The following MORN1 variants were observed in gnomAD, a reference collection of about 807,000 sequenced individuals.
MORN1 encodes MORN repeat containing 1.
A neutral mutation model predicts 61.9 loss-of-function variants in MORN1; 67 were observed. That is an observed-to-expected ratio of 1.08 (90% CI 0.89 to 1.33). MORN1 has a LOEUF of 1.33. Among genes scored for constraint, MORN1 ranks in the 40% most tolerant of loss-of-function variants. The pLI is 0.00. For synonymous variants in MORN1, 301 were observed against 292.0 expected, an observed-to-expected ratio of 1.03 and a Z score of -0.31; for missense variants, 752 against 691.2, an observed-to-expected ratio of 1.09 and a Z score of -0.99.
In MORN1 at chr1:2,356,473, A is replaced by G. The variant is rs145039176; in HGVS notation, c.1036+959T>C. Among the ~76,000 whole-genome samples, 82 of 152,240 alleles carry G rather than the reference A, an allele frequency of 5.4e-4. 1 individual carries two copies. Among genetic ancestry groups the G allele is most frequent in the South Asian group, 1.2e-3 (6 of 4,824 alleles). ...GAACCTGCGGCCTGTGTCCTCCCCA[A>G]GCAGCACCTCAGGCTCAGATCCCAG... On this transcript the variant is annotated intron_variant, in intron 10 of 13. Coordinates refer to ENST00000378531, the MANE Select transcript of MORN1 (RefSeq NM_024848.3).
At chr1:2,327,727 C>G (rs576627416) in intron 12 of MORN1, among the ~76,000 whole-genome samples, 29 of 152,354 alleles carry the variant, frequency 1.9e-4, no homozygotes, top group Admixed American at 9.8e-4. Context: ...GCGCGGCGGG[C>G]AGGCGGCACC....
In MORN1 at chr1:2,372,633, GT is replaced by G. The variant is rs1642147005; in HGVS notation, c.635-43del. On this transcript the variant is annotated intron_variant, in intron 7 of 13. Transcript: ENST00000378531. This position sits in a 1 kb window ranked among gnomAD's most constrained non-coding sequence, Gnocchi z 5.4. ...TGTGGCTTTAGCGGTGACTGGCATGGTCCCCCACCCACCCCATGGCTGAGTC... is the reference window on the plus strand; with the variant it reads ...TGTGGCTTTAGCGGTGACTGGCATGGCCCCCACCCACCCCATGGCTGAGTC... 1.3e-6 allele frequency: 2 copies of G among 1,510,150 alleles called. No homozygotes were observed. The highest frequency in any genetic ancestry group is 1.8e-6 in the Non-Finnish European group (2 of 1,097,398). The allele number at this position is 1,510,150 out of a possible 1,614,324, so 93.5% of individuals were successfully genotyped here.
At position 2,337,130 on chromosome 1, in the gene MORN1, C is replaced by T. The variant is rs1641297741; in HGVS notation, c.1037-280G>A. On this transcript the variant is annotated intron_variant, in intron 10 of 13. Coordinates refer to ENST00000378531, the MANE Select transcript of MORN1 (RefSeq NM_024848.3). This position sits in a 1 kb window ranked among gnomAD's most constrained non-coding sequence, Gnocchi z 5.7. ...CAGCGCCAGGGAGCCCAGCGCTTTG[C>T]AGTGGGAAGGGTCTCCCATCAGCAG... is the stretch of plus-strand genomic sequence containing the variant. Among the ~76,000 whole-genome samples, 3 of 152,288 alleles carry T rather than the reference C, an allele frequency of 2.0e-5. No homozygotes were observed. The highest frequency in any genetic ancestry group is 1.9e-4 in the East Asian group (1 of 5,182).
rs1457731764 is a variant in MORN1, at chr1:2,388,330, CCCGTGACCTGG to C, written c.149-4_155del. On this transcript the variant is annotated splice_acceptor_variant and splice_polypyrimidine_tract_variant and coding_sequence_variant and intron_variant, in exon 3 of 14. Transcript: ENST00000378531. LOFTEE classifies it high-confidence loss of function. ...AACTGCCATCTTTAAATAACAACTT[CCCGTGACCTGG>C]CAGGAGAAATCGTCACGTGAACTCA... 1.9e-6 allele frequency: 3 copies of C among 1,613,720 alleles called. No individual in the cohort carries two copies. In the African/African-American group the frequency reaches 4.0e-5, roughly 22 times the overall value.
intron 10 of MORN1, among the ~76,000 whole-genome samples, chr1:2,340,721 C>T (rs75312915): frequency 0.023 from 3,512 of 152,236 alleles, 60 homozygotes; most frequent in Non-Finnish European, 0.034. Context: ...CAGGCCACGA[C>T]GGGCCACCAC....
chr1:2,325,939 G>A (rs1475961989), intron 12 of MORN1, among the ~76,000 whole-genome samples: 2 of 152,292 alleles, frequency 1.3e-5, no homozygotes, highest in African/African-American at 4.8e-5. Context: ...TGTTCTTTCT[G>A]TGTGAAGCCC....
intron 10 of MORN1, among the ~76,000 whole-genome samples, chr1:2,346,251 G>A (rs1304256702): frequency 6.6e-6 from 1 of 152,230 alleles, no homozygotes; most frequent in Non-Finnish European, 1.5e-5. Flanking sequence ...CAGACGCCAG[G>A]GTGCCCGCAG....
chr1:2,324,128 G>A lies in MORN1; in HGVS notation c.1266C>T (p.Ala422=), dbSNP rs767208932. 1 of 1,600,758 alleles carries A rather than the reference G, an allele frequency of 6.2e-7. No individual in the cohort carries two copies. ...PPGGSRPEGR[A]TEEQAAAAHL... ...GTGCTGCCGCAGCCTGCTCCTCCGT[G>A]GCTCTCCCCTCAGGCCTGTGGAGAC... The change falls in exon 13 of 14, where the codon GCC becomes GCT. Residue 422 remains alanine (A), a synonymous_variant. Transcript: ENST00000378531.
chr1:2,341,850 C>T (rs1641402532), intron 10 of MORN1, among the ~76,000 whole-genome samples: 1 of 152,234 alleles, frequency 6.6e-6, no homozygotes, highest in Non-Finnish European at 1.5e-5. Flanking sequence ...TGAGTGGTGC[C>T]CGCCAGCCCG....
chr1:2,329,172 G>A (rs541616233), intron 12 of MORN1, among the ~76,000 whole-genome samples: 3 of 152,184 alleles, frequency 2.0e-5, no homozygotes, highest in East Asian at 3.9e-4. Flanking sequence ...AAGAGTTAAC[G>A]GCCGCCCTGC....
intron 13 of MORN1, chr1:2,323,676 G>GC: frequency 1.0e-6 from 1 of 985,242 alleles, no homozygotes; most frequent in Non-Finnish European, 1.2e-6. Context: ...GCTGGGAGGA[G>GC]CCTTCCGCCC....
At chr1:2,356,825 G>T (rs1259587195) in intron 10 of MORN1, among the ~76,000 whole-genome samples, 1 of 152,228 alleles carries the variant, frequency 6.6e-6, no homozygotes, top group South Asian at 2.1e-4. Flanking sequence ...TCAACTCCAT[G>T]AGTAACTCTG....
chr1:2,372,575 G>A lies in MORN1; in HGVS notation c.651C>T (p.Ile217=), dbSNP rs1409760769. 4 of 1,613,294 alleles carry A rather than the reference G, an allele frequency of 2.5e-6. No individual in the cohort carries two copies. The highest frequency in any genetic ancestry group is 2.2e-5 in the East Asian group (1 of 44,844). ...CCATCACCTCCGGACCCAAGATCAC[G>A]ATCCTCGTAGCTTGTTCTGGGAGAG... ...NGHPAEQATR[I]VILGPEVMEV... The change falls in exon 8 of 14, where the codon ATC becomes ATT. Residue 217 remains isoleucine (I), a synonymous_variant. Transcript: ENST00000378531. This position sits in a 1 kb window ranked among gnomAD's most constrained non-coding sequence, Gnocchi z 5.4.
intron 10 of MORN1, among the ~76,000 whole-genome samples, chr1:2,341,568 G>T (rs1569946728): frequency 6.6e-6 from 1 of 152,102 alleles, no homozygotes; most frequent in East Asian, 1.9e-4. Context: ...GCAGGTGCCT[G>T]TAATCCCAGC....
chr1:2,387,110 C>A (rs182166731), intron 4 of MORN1: 18 of 413,088 alleles, frequency 4.4e-5, no homozygotes, highest in Admixed American at 2.8e-4. Context: ...GGCCAACCTA[C>A]TGACCCCAGG....
At chr1:2,324,544 G>A (rs995644262) in intron 12 of MORN1, among the ~76,000 whole-genome samples, 6 of 152,210 alleles carry the variant, frequency 3.9e-5, no homozygotes, top group African/African-American at 1.2e-4. Flanking sequence ...CCTGCAGGGA[G>A]CGACTTAGGA....
intron 1 of MORN1, chr1:2,390,535 C>G: frequency 2.0e-6 from 2 of 985,388 alleles, no homozygotes; most frequent in Non-Finnish European, 2.4e-6. Flanking sequence ...CCTGCAGTTC[C>G]AGGAATGGGC....
Position 2,387,286 on chromosome 1 carries a change from G to C in MORN1, c.358+133C>G, listed in dbSNP as rs1642526507. 3 of 720,854 alleles carry C rather than the reference G, an allele frequency of 4.2e-6. No individual in the cohort carries two copies. In the South Asian group the frequency reaches 4.7e-5, roughly 11 times the overall value. The allele number at this position is 720,854 out of a possible 1,614,324, so 44.7% of individuals were successfully genotyped here. A position where few individuals can be genotyped will look rare whatever the true frequency, so the allele number is the denominator to read the frequency against. ...CTGGTGGTGCGGAGAAGAGGGCATG[G>C]GCCCCCTACCTCCTTTCCAACCCTC... On this transcript the variant is annotated intron_variant, in intron 4 of 13. Transcript: ENST00000378531.
intron 2 of MORN1, among the ~76,000 whole-genome samples, chr1:2,388,837 C>A (rs1054857076): frequency 3.4e-5 from 5 of 148,234 alleles, no homozygotes; most frequent in African/African-American, 1.2e-4. Flanking sequence ...AGTGGCTGGG[C>A]GCAGTGGCTC....
Sources: gnomAD v4.1 joint callset for allele counts (sites outside exome capture counted in the v4.1 genomes callset) on GRCh38, gnomAD v4.1.1 for gene constraint, Gnocchi (gnomAD v3.1) non-coding constraint, MANE v1.5 for transcripts, NCBI Gene and HGNC (gene_info 2026-07-23, HGNC 2026-07-21) for gene names.